The following SRBD1 variants were observed in gnomAD, a reference collection of about 807,000 sequenced individuals.
SRBD1 encodes S1 RNA binding domain 1.
Under a neutral mutation model 115.3 loss-of-function variants are expected in SRBD1, and 88 were observed. The ratio of observed to expected loss-of-function variants is 0.76; its 90% CI spans 0.64 to 0.91. The LOEUF is 0.91. Ranked by LOEUF, SRBD1 falls within the 40% of genes least tolerant of loss-of-function variation. SRBD1 has a pLI of 0.00. For synonymous variants in SRBD1, 509 were observed against 407.7 expected (o/e 1.25, Z -2.99); for missense variants, 1,385 against 1,177.4 (o/e 1.18, Z -2.58).
chr2:45,498,589 A>C (rs1670531711), intron 14 of SRBD1, among the ~76,000 whole-genome samples: 1 of 152,132 alleles, frequency 6.6e-6, no homozygotes, highest in Non-Finnish European at 1.5e-5. Flanking sequence ...ATAATAAATT[A>C]CTGTTAATTA....
At chr2:45,431,816 A>G (rs1226034057) in intron 16 of SRBD1, among the ~76,000 whole-genome samples, 3 of 152,106 alleles carry the variant, frequency 2.0e-5, no homozygotes, top group African/African-American at 7.2e-5. Flanking sequence ...CAGTTATTTC[A>G]CCAAAACATC....
intron 19 of SRBD1, among the ~76,000 whole-genome samples, chr2:45,394,273 G>GA (rs1667083165): frequency 6.6e-6 from 1 of 152,024 alleles, no homozygotes. Flanking sequence ...TCAGTAAGAA[G>GA]AAAAAAAGAA....
intron 14 of SRBD1, among the ~76,000 whole-genome samples, chr2:45,516,647 T>C (rs1158058722): frequency 4.6e-5 from 7 of 152,182 alleles, no homozygotes; most frequent in Admixed American, 1.3e-4. Context: ...CAGGAGTAGA[T>C]AGTTCCACAA....
At chr2:45,452,064 A>C (rs988620300) in intron 16 of SRBD1, among the ~76,000 whole-genome samples, 1 of 152,008 alleles carries the variant, frequency 6.6e-6, no homozygotes, top group African/African-American at 2.4e-5. Flanking sequence ...AAAAACAAAA[A>C]GGTATTTAGA....
intron 11 of SRBD1, among the ~76,000 whole-genome samples, chr2:45,551,656 G>A (rs188344533): frequency 3.9e-4 from 60 of 152,176 alleles, no homozygotes; most frequent in African/African-American, 1.3e-3. Flanking sequence ...AAAATATCCC[G>A]GACAATGGAA....
chr2:45,428,388 A>G (rs1222721781), intron 16 of SRBD1, among the ~76,000 whole-genome samples: 3 of 152,062 alleles, frequency 2.0e-5, no homozygotes, highest in African/African-American at 7.2e-5. Flanking sequence ...GTCTCTACTA[A>G]AAAGACAAAA....
chr2:45,413,212 C>G lies in SRBD1; in HGVS notation c.2415G>C (p.Gln805His). 1 of 1,614,066 alleles carries G rather than the reference C, an allele frequency of 6.2e-7. No homozygotes were observed. The highest frequency in any genetic ancestry group is 8.5e-7 in the Non-Finnish European group (1 of 1,179,962). The change falls in exon 19 of 21, where the codon CAG becomes CAC. Residue 805 changes from glutamine (Q) to histidine (H), a missense_variant. Gln to His is a conservative substitution (Grantham distance 24). Transcript: ENST00000263736. ...SADVEVTNEK[Q>H]GKKKSKTAVN... ...CTGCAGTTTTGCTCTTCTTTTTGCC[C>G]TGCTTCTCATTTGTGACCTCAACGT...
intron 1 of SRBD1, among the ~76,000 whole-genome samples, chr2:45,610,815 C>A (rs1026573167): frequency 2.0e-5 from 3 of 152,016 alleles, no homozygotes; most frequent in Non-Finnish European, 2.9e-5. Context: ...GTAGCCCCAG[C>A]TACTCGGGAG....
At chr2:45,576,442 G>C (rs1047681296) in intron 7 of SRBD1, among the ~76,000 whole-genome samples, 1 of 151,914 alleles carries the variant, frequency 6.6e-6, no homozygotes, top group Non-Finnish European at 1.5e-5. Flanking sequence ...GGGGGGGGTG[G>C]GGGTTGTTCC....
At chr2:45,559,008 A>G (rs1672574656) in intron 10 of SRBD1, among the ~76,000 whole-genome samples, 1 of 151,914 alleles carries the variant, frequency 6.6e-6, no homozygotes, top group African/African-American at 2.4e-5. Context: ...CCGCCACACA[A>G]ATTTCATGCT....
chr2:45,534,320 T>C (rs1009815211), intron 14 of SRBD1, among the ~76,000 whole-genome samples: 1 of 151,988 alleles, frequency 6.6e-6, no homozygotes, highest in African/African-American at 2.4e-5. Flanking sequence ...CATAGTTTTA[T>C]TTTTTAATTT....
chr2:45,599,853 G>T lies in SRBD1; in HGVS notation c.262-18C>A, dbSNP rs537003434. On this transcript the variant is annotated intron_variant, in intron 3 of 20. Coordinates refer to ENST00000263736, the MANE Select transcript of SRBD1 (RefSeq NM_018079.5). ...GAGCTATTCTATCAAACCACAAAGA[G>T]AACATATGAGAATTAGAAGATAAAA... 4 of 1,581,126 alleles carry T rather than the reference G, an allele frequency of 2.5e-6. No homozygotes were observed. In the African/African-American group the frequency reaches 5.5e-5, roughly 22 times the overall value.
chr2:45,395,596 A>G (rs764321289), intron 19 of SRBD1, among the ~76,000 whole-genome samples: 1 of 152,194 alleles, frequency 6.6e-6, no homozygotes, highest in Non-Finnish European at 1.5e-5. Context: ...AATGCTTCAT[A>G]TTGATCAACC....
intron 14 of SRBD1, among the ~76,000 whole-genome samples, chr2:45,515,791 T>A (rs1445249197): frequency 6.6e-6 from 1 of 152,194 alleles, no homozygotes; most frequent in Admixed American, 6.5e-5. Flanking sequence ...AAAGATGATT[T>A]AAGTACAATG....
At chr2:45,584,280 C>A (rs925216079) in intron 5 of SRBD1, among the ~76,000 whole-genome samples, 1 of 152,240 alleles carries the variant, frequency 6.6e-6, no homozygotes, top group Non-Finnish European at 1.5e-5. Context: ...GCAAGGGTTG[C>A]CCCTCTTAGA....
At chr2:45,542,721 C>T (rs1671985284) in intron 14 of SRBD1, among the ~76,000 whole-genome samples, 1 of 152,230 alleles carries the variant, frequency 6.6e-6, no homozygotes. Context: ...AGAGAAATGA[C>T]AGCATATATC....
chr2:45,522,256 T>TCGC (rs1278657827), intron 14 of SRBD1, among the ~76,000 whole-genome samples: 1 of 152,064 alleles, frequency 6.6e-6, no homozygotes. Flanking sequence ...CACTGCAACC[T>TCGC]CGACCTCCCA....
At chr2:45,577,847 T>C (rs1338247898) in intron 7 of SRBD1, among the ~76,000 whole-genome samples, 2 of 152,142 alleles carry the variant, frequency 1.3e-5, no homozygotes, top group Non-Finnish European at 2.9e-5. Flanking sequence ...GTACCTAGCT[T>C]ATATAGACTT....
intron 16 of SRBD1, among the ~76,000 whole-genome samples, chr2:45,467,506 C>T (rs1553336873): frequency 6.6e-6 from 1 of 152,142 alleles, no homozygotes; most frequent in Non-Finnish European, 1.5e-5. Flanking sequence ...TGTATATAAG[C>T]ACTAGAAATT....
Sources: gnomAD v4.1 joint callset for allele counts (sites outside exome capture counted in the v4.1 genomes callset) on GRCh38, gnomAD v4.1.1 for gene constraint, MANE v1.5 for transcripts, NCBI Gene and HGNC (gene_info 2026-07-23, HGNC 2026-07-21) for gene names.